Variants in FSTL4 observed in about 807,000 individuals in gnomAD.
FSTL4 encodes the protein follistatin like 4, also known as follistatin-related protein 4.
In FSTL4, 28 loss-of-function variants were observed where a neutral mutation model predicts 78.2. The observed-to-expected ratio is 0.36, with a 90% CI of 0.27 to 0.49. The LOEUF (loss-of-function observed/expected upper bound fraction) is 0.49. FSTL4 is among the 20% of genes least tolerant of loss of function. The pLI is 0.98. For synonymous variants in FSTL4, 422 were observed against 440.5 expected, an observed-to-expected ratio of 0.96 and a Z score of 0.53; for missense variants, 922 against 1,084.9, an observed-to-expected ratio of 0.85 and a Z score of 2.11.
chr5:133,234,937 C>T lies in FSTL4; in HGVS notation c.895-1400G>A, dbSNP rs78986565. On this transcript the variant is annotated intron_variant, in intron 7 of 15. Coordinates refer to ENST00000265342, the MANE Select transcript of FSTL4 (RefSeq NM_015082.2). ...TATTAGCAGAAGATGCAAAACTCCT[C>T]TTGACCCCTGGAGAAAACACCAAAT... Among the ~76,000 whole-genome samples, 704 of 152,296 alleles carry T rather than the reference C, an allele frequency of 4.6e-3. 5 individuals carry two copies. The highest frequency in any genetic ancestry group is 0.016 in the African/African-American group (685 of 41,564).
intron 4 of FSTL4, among the ~76,000 whole-genome samples, chr5:133,343,351 T>C (rs1308129931): frequency 6.6e-6 from 1 of 152,068 alleles, no homozygotes; most frequent in Non-Finnish European, 1.5e-5. Context: ...TCAGCACGGG[T>C]GTGGAGACAG....
At chr5:133,625,203 G>C in the FSTL4 span, among the ~76,000 whole-genome samples, 1 of 151,510 alleles carries the variant, frequency 6.6e-6, no homozygotes, top group Non-Finnish European at 1.5e-5. Context: ...ATTGGTGTTA[G>C]GTCCTCAAAC....
chr5:133,318,410 G>A (rs984748054), intron 4 of FSTL4, among the ~76,000 whole-genome samples: 2 of 152,180 alleles, frequency 1.3e-5, no homozygotes, highest in Non-Finnish European at 2.9e-5. Flanking sequence ...TGGGGAAGAG[G>A]AGGAATAGTT....
chr5:133,244,213 C>T (rs543751125), intron 7 of FSTL4: 2 of 152,436 alleles, frequency 1.3e-5, no homozygotes, highest in South Asian at 2.1e-4. Flanking sequence ...AGGGAATGGC[C>T]CCTTGTGGGG....
intron 4 of FSTL4, among the ~76,000 whole-genome samples, chr5:133,352,319 TATATATACACAC>T (rs879704422): frequency 0.19 from 26,036 of 137,078 alleles, 2,732 homozygotes; most frequent in East Asian, 0.37. Context: ...TATACACACA[TATATATACACAC>T]ATATATATAT....
chr5:133,500,994 T>C (rs1223460141), intron 3 of FSTL4, among the ~76,000 whole-genome samples: 1 of 152,044 alleles, frequency 6.6e-6, no homozygotes, highest in Non-Finnish European at 1.5e-5. Context: ...GCTTGACATC[T>C]GGAGGAAGGG....
At chr5:133,342,034 G>A (rs368820596) in intron 4 of FSTL4, among the ~76,000 whole-genome samples, 3 of 152,094 alleles carry the variant, frequency 2.0e-5, no homozygotes, top group Non-Finnish European at 2.9e-5. Context: ...CTGGCAACTC[G>A]CACAGACCCC....
intron 6 of FSTL4, among the ~76,000 whole-genome samples, chr5:133,259,170 GGT>G (rs1243241902): frequency 1.3e-5 from 2 of 149,058 alleles, no homozygotes; most frequent in East Asian, 2.0e-4. Context: ...GGGCTATTAA[GGT>G]GTGTGTGTGG....
At chr5:133,714,167 C>T in the FSTL4 span, among the ~76,000 whole-genome samples, 3 of 152,134 alleles carry the variant, frequency 2.0e-5, no homozygotes, top group Non-Finnish European at 4.4e-5. Context: ...GACATGCCTC[C>T]AGCTCAGCCC....
chr5:133,516,585 T>A (rs1005990363), intron 3 of FSTL4, among the ~76,000 whole-genome samples: 1 of 152,202 alleles, frequency 6.6e-6, no homozygotes, highest in Non-Finnish European at 1.5e-5. Context: ...TATTCCCCTA[T>A]AACAGTAACA....
chr5:133,791,699 C>T, the FSTL4 span, among the ~76,000 whole-genome samples: 5 of 152,240 alleles, frequency 3.3e-5, no homozygotes, highest in Non-Finnish European at 5.9e-5. Flanking sequence ...TCTGAGTGCC[C>T]CTTCCCCTGC....
intron 3 of FSTL4, among the ~76,000 whole-genome samples, chr5:133,539,919 TCAAA>T (rs1294683987): frequency 2.0e-5 from 3 of 151,818 alleles, no homozygotes; most frequent in African/African-American, 7.3e-5. Context: ...AAATATTTCA[TCAAA>T]CATTTTACTG....
chr5:133,829,729 T>A, the FSTL4 span, among the ~76,000 whole-genome samples: 1 of 152,220 alleles, frequency 6.6e-6, no homozygotes, highest in Non-Finnish European at 1.5e-5. Context: ...CTCATGCCAA[T>A]TCTTCTTATG....
At chr5:133,299,429 CCCTTCACATGGGCTG>C (rs1165807103) in intron 6 of FSTL4, among the ~76,000 whole-genome samples, 1 of 152,204 alleles carries the variant, frequency 6.6e-6, no homozygotes, top group Non-Finnish European at 1.5e-5. Flanking sequence ...TCTCTGCTTC[CCCTTCACATGGGCTG>C]CCTTCAAATT....
Position 133,561,357 on chromosome 5 carries a change from C to T in FSTL4, c.160+5829G>A, listed in dbSNP as rs749267478. Among the ~76,000 whole-genome samples the T allele has an allele frequency of 4.6e-5, 7 of 152,108 alleles. No individual in the cohort carries two copies. In the East Asian group the frequency reaches 5.8e-4, roughly 13 times the overall value. On this transcript the variant is annotated intron_variant, in intron 3 of 15. Transcript: ENST00000265342. Reference sequence around the variant, plus strand: ...ACAGTCACCCCTCCCAATATGTCCACGAGGCTGTGTGGACACCGAACACAT... The same window carrying T: ...ACAGTCACCCCTCCCAATATGTCCATGAGGCTGTGTGGACACCGAACACAT...
At chr5:133,443,025 T>C (rs1194900908) in intron 3 of FSTL4, among the ~76,000 whole-genome samples, 1 of 152,246 alleles carries the variant, frequency 6.6e-6, no homozygotes, top group African/African-American at 2.4e-5. Context: ...CAGAAAATTG[T>C]TACCTCTAAA....
intron 6 of FSTL4, among the ~76,000 whole-genome samples, chr5:133,288,510 C>T (rs1753187764): frequency 6.6e-6 from 1 of 152,236 alleles, no homozygotes; most frequent in East Asian, 1.9e-4. Context: ...ATTCAGTACC[C>T]ACAAGACCAA....
intron 2 of FSTL4, among the ~76,000 whole-genome samples, chr5:133,574,176 CA>C (rs1177192709): frequency 6.6e-6 from 1 of 152,084 alleles, no homozygotes; most frequent in Non-Finnish European, 1.5e-5. Flanking sequence ...TTTTGCAAAT[CA>C]ATAAGAAAAA....
chr5:133,417,077 G>T (rs1202282322), intron 3 of FSTL4, among the ~76,000 whole-genome samples: 1 of 152,114 alleles, frequency 6.6e-6, no homozygotes, highest in African/African-American at 2.4e-5. Context: ...AAAGATTGTT[G>T]TTCTCATAAC....
Sources: gnomAD v4.1 joint callset for allele counts (sites outside exome capture counted in the v4.1 genomes callset) on GRCh38, gnomAD v4.1.1 for gene constraint, MANE v1.5 for transcripts, NCBI Gene and HGNC (gene_info 2026-07-23, HGNC 2026-07-21) for gene names.